Variants in ACTR10 observed in about 807,000 individuals in gnomAD.
The protein encoded by ACTR10 is actin-related protein 10.
Under a neutral mutation model 56.2 loss-of-function variants are expected in ACTR10, and 43 were observed. That is an observed-to-expected ratio of 0.77 (90% CI 0.60 to 0.99). ACTR10 has a LOEUF of 0.99. Ranked by LOEUF, ACTR10 falls within the 50% of genes least tolerant of loss-of-function variation. ACTR10 has a pLI of 0.00. For synonymous variants in ACTR10, 170 were observed against 176.3 expected, an observed-to-expected ratio of 0.96 and a Z score of 0.28; for missense variants, 466 against 507.8, an observed-to-expected ratio of 0.92 and a Z score of 0.79.
chr14:58,201,662 A>G (rs764509109), intron 1 of ACTR10, among the ~76,000 whole-genome samples: 25 of 152,248 alleles, frequency 1.6e-4, no homozygotes, highest in Non-Finnish European at 2.9e-4. Flanking sequence ...TTTTACTAAC[A>G]TGAAACAAAA....
chr14:58,210,895 G>A lies in ACTR10; in HGVS notation c.343-397G>A, dbSNP rs542322923. ...TCACCATGTTGGTTAGGCTGGTTTC[G>A]AACTCCTGACCTCGGGTGATCCGCC... On this transcript the variant is annotated intron_variant, in intron 4 of 12. Transcript: ENST00000254286. Among the ~76,000 whole-genome samples the A allele has an allele frequency of 9.2e-5, 14 of 152,134 alleles. No homozygotes were observed. The South Asian group carries it at 2.9e-3, about 32-fold the overall frequency.
At chr14:58,206,088 C>T (rs1888855945) in intron 2 of ACTR10, among the ~76,000 whole-genome samples, 1 of 152,102 alleles carries the variant, frequency 6.6e-6, no homozygotes, top group Non-Finnish European at 1.5e-5. Context: ...TGCTTTATAA[C>T]AATTGGCATT....
chr14:58,224,740 T>A (rs1889358840), intron 10 of ACTR10, among the ~76,000 whole-genome samples: 2 of 152,044 alleles, frequency 1.3e-5, no homozygotes, highest in Non-Finnish European at 2.9e-5. Context: ...CAGTGGCTCA[T>A]GCCTGTAATC....
chr14:58,207,517 G>A (rs1459574815), intron 2 of ACTR10, among the ~76,000 whole-genome samples: 4 of 152,022 alleles, frequency 2.6e-5, no homozygotes, highest in East Asian at 1.9e-4. Context: ...TAGAGACAGC[G>A]TTTCACCATG....
chr14:58,230,939 T>C (rs1157899474), intron 11 of ACTR10: 1 of 185,430 alleles, frequency 5.4e-6, no homozygotes, highest in Non-Finnish European at 1.2e-5. Flanking sequence ...TTTTGTATTA[T>C]TTAGAGACAG....
At chr14:58,221,513 G>T (rs1227261080) in intron 8 of ACTR10, among the ~76,000 whole-genome samples, 1 of 152,114 alleles carries the variant, frequency 6.6e-6, no homozygotes, top group East Asian at 1.9e-4. Context: ...AGGATCACTT[G>T]AGCCTGGGAT....
chr14:58,226,228 T>G (rs1889395073), intron 10 of ACTR10, among the ~76,000 whole-genome samples: 2 of 152,144 alleles, frequency 1.3e-5, no homozygotes, highest in Admixed American at 6.6e-5. Context: ...ATTGTACCAC[T>G]GTACTTCAGC....
rs766047329 is a variant in ACTR10, at chr14:58,232,104, G to A, written c.909G>A (p.Leu303=). ...IDTRKQLAEN[L]VVIGGTSMLP... ...CCAGGAAGCAACTAGCAGAGAATTT[G>A]GTAGTCATAGGTGGCACTTCTATGT... Residue 303 remains leucine, a synonymous_variant, in exon 12 of 13, where the codon TTG becomes TTA. Coordinates refer to ENST00000254286, the MANE Select transcript of ACTR10 (RefSeq NM_018477.3). 5.6e-6 allele frequency: 9 copies of A among 1,613,644 alleles called. No individual in the cohort carries two copies. The African/African-American group carries it at 1.2e-4, about 22-fold the overall frequency.
chr14:58,223,561 A>G (rs1039080175), intron 8 of ACTR10, 61 bp from the exon 9 acceptor site: 81 of 1,315,208 alleles, frequency 6.2e-5, no homozygotes, highest in Non-Finnish European at 8.5e-5. Context: ...ACTGGGGTGT[A>G]GGTACACTCT....
At position 58,208,133 on chromosome 14, in the gene ACTR10, C is replaced by G. The variant is rs547503246; in HGVS notation, c.233+115C>G. On this transcript the variant is annotated intron_variant, in intron 3 of 12. Transcript: ENST00000254286. ...AAAAAAAAAAAATGGACTTCTATTG[C>G]CATTTTTACATGCTTATTTTCAACC... The G allele has an allele frequency of 8.4e-4, 761 of 906,378 alleles. 2 individuals carry two copies. The highest frequency in any genetic ancestry group is 1.0e-3 in the Non-Finnish European group (658 of 643,108). 56.1% of individuals were successfully genotyped at this position (906,378 alleles called of 1,614,324 possible). A position where few individuals can be genotyped will look rare whatever the true frequency, so the allele number is the denominator to read the frequency against.
chr14:58,230,347 ATAT>A, intron 10 of ACTR10, 49 bp from the exon 11 acceptor site: 1 of 1,022,812 alleles, frequency 9.8e-7, no homozygotes, highest in Non-Finnish European at 1.5e-6. Context: ...ATTCTGTGTA[ATAT>A]TATAATACGT....
intron 10 of ACTR10, among the ~76,000 whole-genome samples, chr14:58,226,399 C>T (rs1403290745): frequency 4.0e-5 from 6 of 149,764 alleles, no homozygotes; most frequent in East Asian, 2.0e-4. Flanking sequence ...CATGAGCCAC[C>T]GCCCTGGGCT....
chr14:58,218,155 G>A (rs958637794), intron 7 of ACTR10, among the ~76,000 whole-genome samples: 3 of 152,092 alleles, frequency 2.0e-5, no homozygotes, highest in African/African-American at 7.2e-5. Context: ...TCTTTGACAT[G>A]TTAAAATTTA....
At chr14:58,220,336 A>C (rs1222619864) in intron 8 of ACTR10, among the ~76,000 whole-genome samples, 2 of 142,124 alleles carry the variant, frequency 1.4e-5, no homozygotes, top group East Asian at 3.9e-4. Context: ...AGAGCTGGAG[A>C]TAATCTAATA....
intron 4 of ACTR10, 26 bp from the exon 5 acceptor site, chr14:58,211,266 G>C: frequency 6.5e-7 from 1 of 1,527,528 alleles, no homozygotes. Flanking sequence ...TTCCGGTTTT[G>C]TTGTATTGAT....
intron 6 of ACTR10, among the ~76,000 whole-genome samples, chr14:58,214,020 A>T (rs1470518322): frequency 6.6e-6 from 1 of 152,188 alleles, no homozygotes; most frequent in Non-Finnish European, 1.5e-5. Flanking sequence ...GTTACAAACA[A>T]TCCAGTTATA....
chr14:58,235,459 G>C lies in ACTR10; in HGVS notation c.*908G>C, dbSNP rs1352233147. On this transcript the variant is annotated 3_prime_UTR_variant, in exon 13 of 13. Coordinates refer to ENST00000254286, the MANE Select transcript of ACTR10 (RefSeq NM_018477.3). ...GCAATTCTACATTTCTAAGAAAAAA[G>C]ATACTTCATTTTTATATAAGGTTAC... 2.6e-5 allele frequency: 4 copies of C among 151,930 alleles called. No homozygotes were observed. Among genetic ancestry groups the C allele is most frequent in the African/African-American group, 9.7e-5 (4 of 41,344 alleles). 9.4% of individuals were successfully genotyped at this position (151,930 alleles called of 1,614,324 possible). A position where few individuals can be genotyped will look rare whatever the true frequency, so the allele number is the denominator to read the frequency against.
At chr14:58,222,539 T>C (rs1287101651) in intron 8 of ACTR10, among the ~76,000 whole-genome samples, 3 of 151,972 alleles carry the variant, frequency 2.0e-5, no homozygotes, top group African/African-American at 7.3e-5. Context: ...CCAAGGCAGG[T>C]GGATCACTTG....
chr14:58,218,355 A>G (rs1309877187), intron 7 of ACTR10, among the ~76,000 whole-genome samples: 4 of 152,302 alleles, frequency 2.6e-5, no homozygotes, highest in African/African-American at 7.2e-5. Flanking sequence ...AAAATTTTTT[A>G]TCATGTACTG....
Sources: gnomAD v4.1 joint callset for allele counts (sites outside exome capture counted in the v4.1 genomes callset) on GRCh38, gnomAD v4.1.1 for gene constraint, MANE v1.5 for transcripts, NCBI Gene and HGNC (gene_info 2026-07-23, HGNC 2026-07-21) for gene names.